FRG1: variants seen among roughly 807,000 people sequenced by gnomAD.
The protein encoded by FRG1 is protein FRG1.
In FRG1, 19 loss-of-function variants were observed where a neutral mutation model predicts 37.0. The observed-to-expected ratio is 0.51, with a 90% CI of 0.36 to 0.75. The LOEUF is 0.75. FRG1 is among the 30% of genes least tolerant of loss of function. FRG1 has a pLI of 0.00. For synonymous variants in FRG1, 73 were observed against 96.5 expected (o/e 0.76, Z 1.43); for missense variants, 243 against 301.4 (o/e 0.81, Z 1.44).
At chr4:189,945,317 T>C (rs1292177968) in intron 2 of FRG1, among the ~76,000 whole-genome samples, 2 of 152,246 alleles carry the variant, frequency 1.3e-5, no homozygotes, top group East Asian at 3.8e-4. Flanking sequence ...AGAATGGGCA[T>C]AATTGCATTG....
intron 6 of FRG1, among the ~76,000 whole-genome samples, chr4:189,957,838 T>G (rs1168417889): frequency 6.6e-6 from 1 of 152,182 alleles, no homozygotes; most frequent in Non-Finnish European, 1.5e-5. Flanking sequence ...ATAGATAACA[T>G]GTACACGTGG....
intron 2 of FRG1, among the ~76,000 whole-genome samples, chr4:189,943,679 C>G (rs188390584): frequency 6.6e-6 from 1 of 152,252 alleles, no homozygotes; most frequent in East Asian, 1.9e-4. Flanking sequence ...ATTTTGTGAA[C>G]TCTGAAATGA....
intron 7 of FRG1, chr4:189,961,236 G>C (rs886240834): frequency 5.8e-6 from 1 of 171,594 alleles, no homozygotes; most frequent in South Asian, 1.4e-4. Context: ...TAGAATGGGT[G>C]TGATGCCAGT....
intron 2 of FRG1, among the ~76,000 whole-genome samples, chr4:189,946,400 A>G (rs1243361615): frequency 6.7e-6 from 1 of 150,234 alleles, no homozygotes; most frequent in Non-Finnish European, 1.5e-5. Context: ...GGCCTGGGCC[A>G]CATGTGGCCC....
At chr4:189,948,916 C>T (rs1400578536) in intron 2 of FRG1, among the ~76,000 whole-genome samples, 1 of 152,262 alleles carries the variant, frequency 6.6e-6, no homozygotes, top group Non-Finnish European at 1.5e-5. Context: ...TGATTTTGAA[C>T]TCCTGGGCTA....
At chr4:189,947,056 A>T (rs1388278994) in intron 2 of FRG1, among the ~76,000 whole-genome samples, 2 of 152,228 alleles carry the variant, frequency 1.3e-5, no homozygotes, top group Non-Finnish European at 2.9e-5. Context: ...GGGTTTCACC[A>T]CGTTGACCAA....
intron 5 of FRG1, among the ~76,000 whole-genome samples, chr4:189,955,641 A>T (rs1389610721): frequency 6.6e-6 from 1 of 152,230 alleles, no homozygotes. Context: ...GATAGTTTTA[A>T]TATAAGAAGA....
At chr4:189,955,255 G>A (rs76443416) in intron 5 of FRG1, 104 bp downstream of exon 5, 41 of 649,304 alleles carry the variant, frequency 6.3e-5, no homozygotes, top group Non-Finnish European at 1.0e-4. Flanking sequence ...ATGCAATAGT[G>A]TAATACATTA....
At chr4:189,942,520 C>T (rs1454346209) in intron 1 of FRG1, among the ~76,000 whole-genome samples, 7 of 152,168 alleles carry the variant, frequency 4.6e-5, no homozygotes, top group Non-Finnish European at 8.8e-5. Context: ...TATTGAGGTT[C>T]ATCATTGTTG....
At chr4:189,941,436 C>G (rs1032134105) in intron 1 of FRG1, among the ~76,000 whole-genome samples, 7 of 152,146 alleles carry the variant, frequency 4.6e-5, no homozygotes, top group Non-Finnish European at 1.0e-4. Context: ...TCCATTGTCT[C>G]TTTTCTTTCT....
intron 1 of FRG1, chr4:189,941,695 G>A (rs1736309768): frequency 4.5e-6 from 1 of 224,576 alleles, no homozygotes; most frequent in African/African-American, 2.4e-5. Context: ...TTAGAAGACT[G>A]TGAGGATTAA....
chr4:189,954,207 TA>T (rs58568120), intron 4 of FRG1, among the ~76,000 whole-genome samples: 3,937 of 151,470 alleles, frequency 0.026, 164 homozygotes, highest in African/African-American at 0.088. Flanking sequence ...TCATAATGTT[TA>T]AAAAAAAATG....
chr4:189,949,497 C>G (rs368098933), intron 2 of FRG1, among the ~76,000 whole-genome samples: 5 of 152,152 alleles, frequency 3.3e-5, no homozygotes, highest in African/African-American at 9.7e-5. Context: ...TGTATCATTT[C>G]CCTACTTGGA....
At chr4:189,949,633 A>C (rs2126806507) in intron 2 of FRG1, among the ~76,000 whole-genome samples, 1 of 152,312 alleles carries the variant, frequency 6.6e-6, no homozygotes, top group African/African-American at 2.4e-5. Flanking sequence ...TGTGGCATAG[A>C]ACATACAAAA....
chr4:189,956,611 G>A (rs1736993705), intron 5 of FRG1, among the ~76,000 whole-genome samples: 1 of 152,158 alleles, frequency 6.6e-6, no homozygotes, highest in Non-Finnish European at 1.5e-5. Context: ...CAGCCCTTGT[G>A]ACCTTGACTA....
In FRG1 at chr4:189,960,230, G is replaced by A. The variant is rs551371577; in HGVS notation, c.538-518G>A. 1.2e-3 allele frequency among the ~76,000 whole-genome samples: 177 copies of A among 152,290 alleles called. 4 individuals carry two copies. The highest frequency in any genetic ancestry group is 4.1e-3 in the African/African-American group (169 of 41,566). On this transcript the variant is annotated intron_variant, in intron 6 of 8. Coordinates refer to ENST00000226798, the MANE Select transcript of FRG1 (RefSeq NM_004477.3). ...GCAGATTAATTAACTTATGACATGT[G>A]GTAGTAAACATCTATCCAAACTTAG...
chr4:189,951,479 G>C (rs1736749395), intron 2 of FRG1, among the ~76,000 whole-genome samples: 1 of 133,212 alleles, frequency 7.5e-6, no homozygotes, highest in African/African-American at 3.2e-5. Context: ...GACAGAGCGA[G>C]TCTCCGTCTC....
At chr4:189,947,110 C>T (rs993210985) in intron 2 of FRG1, among the ~76,000 whole-genome samples, 7 of 152,252 alleles carry the variant, frequency 4.6e-5, no homozygotes, top group African/African-American at 1.2e-4. Context: ...CCCGCCTCGG[C>T]GGGATCCAGG....
intron 2 of FRG1, among the ~76,000 whole-genome samples, chr4:189,950,203 T>G (rs1308453854): frequency 6.6e-6 from 1 of 152,260 alleles, no homozygotes; most frequent in African/African-American, 2.4e-5. Flanking sequence ...TGTCCGTGTA[T>G]ATCCTTTGCC....
Sources: allele counts gnomAD v4.1 joint callset (sites outside exome capture counted in the v4.1 genomes callset), GRCh38; gene constraint gnomAD v4.1.1; transcripts MANE v1.5; gene names NCBI Gene and HGNC (gene_info 2026-07-23, HGNC 2026-07-21).